Variants in PCDHGB2 observed in about 807,000 individuals in gnomAD.
PCDHGB2 encodes the protein protocadherin gamma subfamily B, 2, also known as protocadherin gamma-B2.
Under a neutral mutation model 59.3 loss-of-function variants are expected in PCDHGB2, and 55 were observed. The observed-to-expected ratio is 0.93, with a 90% CI of 0.75 to 1.16. The LOEUF is 1.16. Ranked by LOEUF, PCDHGB2 falls within the 50% of genes most tolerant of loss-of-function variation. The probability of loss-of-function intolerance (pLI) is 0.00; values close to 1 mark genes in which losing one functional copy is unlikely to be tolerated. For missense variants in PCDHGB2, 1,228 were observed against 1,198.5 expected (o/e 1.02, Z -0.36); for synonymous variants, 516 against 512.0 (o/e 1.01, Z -0.11).
intron 1 of PCDHGB2, chr5:141,389,331 G>C (rs1212558688): frequency 6.2e-7 from 1 of 1,613,868 alleles, no homozygotes; most frequent in Non-Finnish European, 8.5e-7. Flanking sequence ...GGGGCCCAAC[G>C]GCCAAGTCTC....
intron 1 of PCDHGB2, among the ~76,000 whole-genome samples, chr5:141,434,340 G>A (rs2097687601): frequency 6.6e-6 from 1 of 152,150 alleles, no homozygotes; most frequent in Non-Finnish European, 1.5e-5. Context: ...TTTGTGTCGG[G>A]AACAGGCCCC....
In PCDHGB2 at chr5:141,362,277, C is replaced by G. The variant is rs1762415118; in HGVS notation, c.2142C>G (p.Arg714=). Residue 714 remains arginine (R), a synonymous_variant, in exon 1 of 4, where the codon CGC becomes CGG. Transcript: ENST00000522605. ...CGGTGATTCTGGCAATCTCCCTGCG[C>G]CTGCGACTCTCTTCCAGGTCAGATG... The part of the protein sequence containing the change: ...FLAVILAISL[R]LRLSSRSDAW... 1 of 1,614,048 alleles carries G rather than the reference C, an allele frequency of 6.2e-7. No individual in the cohort carries two copies. Among genetic ancestry groups the G allele is most frequent in the Non-Finnish European group, 8.5e-7 (1 of 1,179,902 alleles).
chr5:141,415,901 C>A, intron 1 of PCDHGB2: 1 of 847,932 alleles, frequency 1.2e-6, no homozygotes, highest in Non-Finnish European at 1.6e-6. Context: ...CTAAGACAGA[C>A]TTCCATACAG....
chr5:141,366,830 C>T, intron 1 of PCDHGB2: 1 of 1,521,896 alleles, frequency 6.6e-7, no homozygotes, highest in Non-Finnish European at 8.8e-7. Context: ...TATTCAGAAT[C>T]AGCTAGTTAT....
chr5:141,423,680 C>T (rs2096766182), intron 1 of PCDHGB2: 1 of 1,479,088 alleles, frequency 6.8e-7, no homozygotes, highest in African/African-American at 1.5e-5. Context: ...ATTTCTCTGC[C>T]TCCTAATTGT....
intron 1 of PCDHGB2, chr5:141,366,971 C>A: frequency 1.7e-6 from 1 of 573,096 alleles, no homozygotes; most frequent in Non-Finnish European, 2.8e-6. Flanking sequence ...GAAACAAATA[C>A]CTTAAAGGAA....
intron 1 of PCDHGB2, chr5:141,383,840 T>G: frequency 1.2e-6 from 2 of 1,613,952 alleles, no homozygotes; most frequent in South Asian, 2.2e-5. Flanking sequence ...GAAACTGCCT[T>G]CTATGAAATG....
chr5:141,420,845 G>T (rs1038454602), intron 1 of PCDHGB2, among the ~76,000 whole-genome samples: 4 of 152,200 alleles, frequency 2.6e-5, no homozygotes, highest in Non-Finnish European at 4.4e-5. Context: ...GGTGTTCTTG[G>T]TAAAGTTTTA....
At chr5:141,388,860 A>T (rs781769294) in intron 1 of PCDHGB2, 2 of 1,613,902 alleles carry the variant, frequency 1.2e-6, no homozygotes, top group South Asian at 2.2e-5. Flanking sequence ...TGGAGGAATG[A>T]TTGCGCAATG....
Position 141,489,902 on chromosome 5 carries a change from C to T in PCDHGB2, c.2422-4905C>T. The T allele has an allele frequency of 6.2e-7, 1 of 1,614,218 alleles. No individual in the cohort carries two copies. The highest frequency in any genetic ancestry group is 8.5e-7 in the Non-Finnish European group (1 of 1,180,032). On this transcript the variant is annotated intron_variant, in intron 1 of 3. Transcript: ENST00000522605. This position sits in a 1 kb window ranked among gnomAD's most constrained non-coding sequence, Gnocchi z 4.5. Reference sequence around the variant, plus strand: ...ACTGCTGTGGATGGGGGGACCCCAGCCCGCTCAGGGACCACCCTTATCTCT... The same window carrying T: ...ACTGCTGTGGATGGGGGGACCCCAGTCCGCTCAGGGACCACCCTTATCTCT...
intron 1 of PCDHGB2, chr5:141,383,907 A>T: frequency 1.2e-6 from 2 of 1,613,958 alleles, no homozygotes; most frequent in Non-Finnish European, 1.7e-6. Flanking sequence ...TACTGATCAC[A>T]GTTTTAGATG....
At chr5:141,488,157 C>T (rs565677003) in intron 1 of PCDHGB2, among the ~76,000 whole-genome samples, 2 of 152,216 alleles carry the variant, frequency 1.3e-5, no homozygotes, top group South Asian at 2.1e-4. Context: ...TAGAGAGGCA[C>T]GCATCAGAGT....
chr5:141,478,319 T>A, intron 1 of PCDHGB2: 4 of 1,614,052 alleles, frequency 2.5e-6, no homozygotes, highest in Non-Finnish European at 3.4e-6. Flanking sequence ...GAGCTCACTG[T>A]ACCGAACACC....
Position 141,485,399 on chromosome 5 carries a change from C to T in PCDHGB2, c.2422-9408C>T. On this transcript the variant is annotated intron_variant, in intron 1 of 3. Coordinates refer to ENST00000522605, the MANE Select transcript of PCDHGB2 (RefSeq NM_018923.3). This position sits in a 1 kb window ranked among gnomAD's most constrained non-coding sequence, Gnocchi z 5.7. ...TGGAGAGGTGAACCAAAGACACTTC[C>T]GTGTGGATTTGGACAGCGGAGCCCT... 3 of 1,614,000 alleles carry T rather than the reference C, an allele frequency of 1.9e-6. No homozygotes were observed. The highest frequency in any genetic ancestry group is 2.5e-6 in the Non-Finnish European group (3 of 1,179,922).
Position 141,485,768 on chromosome 5 carries a change from C to A in PCDHGB2, c.2422-9039C>A, listed in dbSNP as rs759191157. 3.7e-6 allele frequency: 6 copies of A among 1,614,192 alleles called. No individual in the cohort carries two copies. Among genetic ancestry groups the A allele is most frequent in the Middle Eastern group, 1.6e-4 (1 of 6,062 alleles). On this transcript the variant is annotated intron_variant, in intron 1 of 3. Coordinates refer to ENST00000522605, the MANE Select transcript of PCDHGB2 (RefSeq NM_018923.3). The surrounding 1 kb of genome is among the most constrained non-coding windows in gnomAD (Gnocchi z 5.7). ...GGTCCCAGAGCTGCTCCTGGAGAAG[C>A]CTTTGGATCGAGAGAAGCAATCGGA...
chr5:141,489,086 G>A lies in PCDHGB2; in HGVS notation c.2422-5721G>A, dbSNP rs2233599. ...CCCCCCTGCCCACCCCCGCCACTCG[G>A]TGACTAAGAACTGCTGCAAGCAGGC... On this transcript the variant is annotated intron_variant, in intron 1 of 3. Coordinates refer to ENST00000522605, the MANE Select transcript of PCDHGB2 (RefSeq NM_018923.3). The surrounding 1 kb of genome is among the most constrained non-coding windows in gnomAD (Gnocchi z 4.5). 2.2e-3 allele frequency: 754 copies of A among 340,206 alleles called. 5 individuals carry two copies. Among genetic ancestry groups the A allele is most frequent in the African/African-American group, 0.018 (712 of 39,726 alleles). 21.1% of individuals were successfully genotyped at this position (340,206 alleles called of 1,614,324 possible).
chr5:141,467,672 AT>A (rs1199631144), intron 1 of PCDHGB2, among the ~76,000 whole-genome samples: 1 of 151,634 alleles, frequency 6.6e-6, no homozygotes, highest in Non-Finnish European at 1.5e-5. Context: ...GAAGATTTTT[AT>A]TTTTTTTAGA....
chr5:141,404,004 C>G (rs1219625288), intron 1 of PCDHGB2: 33 of 1,613,842 alleles, frequency 2.0e-5, no homozygotes, highest in Non-Finnish European at 2.8e-5. Flanking sequence ...ACCATTACAT[C>G]TCTGTTTAGC....
intron 1 of PCDHGB2, chr5:141,420,367 T>C: frequency 7.3e-7 from 1 of 1,360,684 alleles, no homozygotes; most frequent in Non-Finnish European, 9.7e-7. Flanking sequence ...CTAGATAACT[T>C]CTTCATAGAG....
Sources: gnomAD v4.1 joint callset for allele counts (sites outside exome capture counted in the v4.1 genomes callset) on GRCh38, gnomAD v4.1.1 for gene constraint, Gnocchi (gnomAD v3.1) non-coding constraint, MANE v1.5 for transcripts, NCBI Gene and HGNC (gene_info 2026-07-23, HGNC 2026-07-21) for gene names.